CDKAL1: variants seen among roughly 807,000 people sequenced by gnomAD.
CDKAL1 encodes the protein CDKAL1 threonylcarbamoyladenosine tRNA methylthiotransferase, also known as threonylcarbamoyladenosine tRNA methylthiotransferase.
In CDKAL1, 32 loss-of-function variants were observed where a neutral mutation model predicts 68.2. That is an observed-to-expected ratio of 0.47 (90% CI 0.35 to 0.63). CDKAL1 has a LOEUF of 0.63. Among genes scored for constraint, CDKAL1 ranks in the 30% least tolerant of loss-of-function variants. The pLI, the probability that CDKAL1 is intolerant of heterozygous loss-of-function variation, is 0.00. For synonymous variants in CDKAL1, 234 were observed against 244.3 expected (o/e 0.96, Z 0.39); for missense variants, 606 against 696.7 (o/e 0.87, Z 1.47).
intron 15 of CDKAL1, among the ~76,000 whole-genome samples, chr6:21,209,074 A>G (rs549565497): frequency 1.3e-5 from 2 of 152,332 alleles, no homozygotes; most frequent in East Asian, 1.9e-4. Flanking sequence ...GTGCCTTGAT[A>G]ATAATAATAG....
chr6:20,607,682 T>C (rs1417800787), intron 4 of CDKAL1, among the ~76,000 whole-genome samples: 1 of 151,994 alleles, frequency 6.6e-6, no homozygotes, highest in Non-Finnish European at 1.5e-5. Flanking sequence ...AATAATGAGA[T>C]AGCTTTTTTC....
At chr6:20,766,618 C>CAAG (rs1244866126) in intron 7 of CDKAL1, among the ~76,000 whole-genome samples, 2 of 152,140 alleles carry the variant, frequency 1.3e-5, no homozygotes, top group Admixed American at 1.3e-4. Flanking sequence ...GAAGGTGAGA[C>CAAG]TACAAGTATT....
chr6:20,749,213 C>T (rs751247579), intron 6 of CDKAL1, among the ~76,000 whole-genome samples: 2 of 152,160 alleles, frequency 1.3e-5, no homozygotes, highest in Non-Finnish European at 2.9e-5. Flanking sequence ...ATTAACCCTC[C>T]AGTGGCTTTC....
At chr6:21,213,209 G>A (rs930236078) in intron 15 of CDKAL1, among the ~76,000 whole-genome samples, 5 of 152,134 alleles carry the variant, frequency 3.3e-5, no homozygotes, top group Non-Finnish European at 5.9e-5. Context: ...TATAAATTGG[G>A]AGGAATAGAG....
intron 4 of CDKAL1, among the ~76,000 whole-genome samples, chr6:20,612,975 CATT>C (rs1419979827): frequency 2.8e-5 from 4 of 142,878 alleles, no homozygotes; most frequent in Non-Finnish European, 6.0e-5. Flanking sequence ...TGAAGAAACT[CATT>C]GTTGCAATTT....
At position 20,680,377 on chromosome 6, in the gene CDKAL1, G is replaced by C. The variant is rs1581373226; in HGVS notation, c.371+31000G>C. Among the ~76,000 whole-genome samples, 3 of 152,084 alleles carry C rather than the reference G, an allele frequency of 2.0e-5. No homozygotes were observed. The East Asian group carries it at 5.8e-4, about 29-fold the overall frequency. On this transcript the variant is annotated intron_variant, in intron 5 of 15. Transcript: ENST00000274695. ...CCACCACACCCGGTCTAATTTTGTTGAGTTTTAAAATAATTTTTATTTAGA... is the reference window on the plus strand; with the variant it reads ...CCACCACACCCGGTCTAATTTTGTTCAGTTTTAAAATAATTTTTATTTAGA...
intron 5 of CDKAL1, among the ~76,000 whole-genome samples, chr6:20,713,171 G>A (rs1017022102): frequency 1.3e-5 from 2 of 152,120 alleles, no homozygotes; most frequent in African/African-American, 4.8e-5. Context: ...TTAATGCAAA[G>A]CATATACCTG....
At chr6:20,679,827 G>A (rs1770291575) in intron 5 of CDKAL1, among the ~76,000 whole-genome samples, 1 of 152,074 alleles carries the variant, frequency 6.6e-6, no homozygotes, top group Non-Finnish European at 1.5e-5. Flanking sequence ...TGTTTTTGAA[G>A]CCTAAGGGTT....
chr6:21,201,264 GT>G lies in CDKAL1; in HGVS notation c.1541del (p.Leu514Ter). 6.2e-7 allele frequency: 1 copy of G among 1,605,302 alleles called. No individual in the cohort carries two copies. The highest frequency in any genetic ancestry group is 2.2e-5 in the East Asian group (1 of 44,664). ...CCGCTAGCAAAGGGAGAAGTCTCGG[GT>G]TTGACAAAGGTAAGTAAAAGATGCT... ...SKPLAKGEVS[G>X]LTKDFRNGLG... is the part of the protein sequence containing the mutation. On this transcript the variant is annotated frameshift_variant, in exon 15 of 16. Coordinates refer to ENST00000274695, the MANE Select transcript of CDKAL1 (RefSeq NM_017774.3). LOFTEE classifies it low-confidence loss of function (END_TRUNC).
intron 9 of CDKAL1, among the ~76,000 whole-genome samples, chr6:20,855,285 AT>A (rs1162731982): frequency 1.3e-5 from 2 of 151,908 alleles, no homozygotes; most frequent in South Asian, 2.1e-4. Flanking sequence ...TCTACTAAAA[AT>A]ATAAAAAATA....
At chr6:21,131,568 A>T (rs979708364) in intron 13 of CDKAL1, among the ~76,000 whole-genome samples, 8 of 152,194 alleles carry the variant, frequency 5.3e-5, no homozygotes, top group Admixed American at 2.6e-4. Context: ...GATGCAAACT[A>T]CCCATTATCC....
intron 13 of CDKAL1, among the ~76,000 whole-genome samples, chr6:21,180,522 C>T (rs567912077): frequency 6.6e-6 from 1 of 152,216 alleles, no homozygotes; most frequent in East Asian, 1.9e-4. Context: ...ATTATCTGAT[C>T]TTACACTGAT....
intron 11 of CDKAL1, among the ~76,000 whole-genome samples, chr6:21,043,395 C>T (rs1770043917): frequency 6.6e-6 from 1 of 151,788 alleles, no homozygotes; most frequent in African/African-American, 2.4e-5. Context: ...GGGGGATCTA[C>T]ATGAACATTT....
At chr6:20,809,029 A>G (rs1197913134) in intron 8 of CDKAL1, among the ~76,000 whole-genome samples, 1 of 152,198 alleles carries the variant, frequency 6.6e-6, no homozygotes, top group African/African-American at 2.4e-5. Context: ...CCATACATGC[A>G]TTTTGGCTCT....
At chr6:20,634,721 T>C (rs758170586) in intron 4 of CDKAL1, among the ~76,000 whole-genome samples, 4 of 152,210 alleles carry the variant, frequency 2.6e-5, no homozygotes, top group Non-Finnish European at 5.9e-5. Flanking sequence ...CTCATGCCTG[T>C]AATCCCAGCA....
At chr6:20,934,075 A>G (rs1328694162) in intron 9 of CDKAL1, among the ~76,000 whole-genome samples, 1 of 152,188 alleles carries the variant, frequency 6.6e-6, no homozygotes, top group African/African-American at 2.4e-5. Flanking sequence ...TTCGATTGAC[A>G]CAGGTTGTAA....
At chr6:21,208,012 T>C (rs528448508) in intron 15 of CDKAL1, among the ~76,000 whole-genome samples, 2 of 145,852 alleles carry the variant, frequency 1.4e-5, no homozygotes, top group Admixed American at 1.3e-4. Context: ...TCTTACTCTT[T>C]ATGTCTTTTT....
chr6:20,866,561 A>G (rs1007461019), intron 9 of CDKAL1, among the ~76,000 whole-genome samples: 1 of 152,180 alleles, frequency 6.6e-6, no homozygotes, highest in Non-Finnish European at 1.5e-5. Flanking sequence ...ATCTTTTCTA[A>G]CTCCTCAAAT....
rs1183809066 is a variant in CDKAL1 at position 21,231,014 on chromosome 6, C to T, written c.1715C>T (p.Ala572Val). The change falls in exon 16 of 16, where the codon GCT becomes GTT. Residue 572 changes from alanine (A) to valine (V), a missense_variant. Physicochemically the swap from Ala to Val is moderately conservative, Grantham distance 64. Coordinates refer to ENST00000274695, the MANE Select transcript of CDKAL1 (RefSeq NM_017774.3). The stretch of plus-strand genomic sequence containing the variant: ...TTGGCTCTGCTGGGTCTTCTTTTTG[C>T]TTTTTTTGTCAAGGTCTATAATTAG... ...VGLALLGLLF[A>V]FFVKVYN 2 of 1,607,190 alleles carry T rather than the reference C, an allele frequency of 1.2e-6. No homozygotes were observed. The highest frequency in any genetic ancestry group is 1.7e-6 in the Non-Finnish European group (2 of 1,175,560).
Sources: gnomAD v4.1 joint callset for allele counts (sites outside exome capture counted in the v4.1 genomes callset) on GRCh38, gnomAD v4.1.1 for gene constraint, MANE v1.5 for transcripts, NCBI Gene and HGNC (gene_info 2026-07-23, HGNC 2026-07-21) for gene names.